ASAP1: variants seen among roughly 807,000 people sequenced by gnomAD.
The protein encoded by ASAP1 is ArfGAP with SH3 domain, ankyrin repeat and PH domain 1.
ASAP1 carries 43 observed loss-of-function variants against 145.2 expected under a neutral mutation model. The ratio of observed to expected loss-of-function variants is 0.30; its 90% CI spans 0.23 to 0.38. ASAP1 has a LOEUF of 0.38. Among genes scored for constraint, ASAP1 ranks in the 10% least tolerant of loss-of-function variants. The pLI, the probability that ASAP1 is intolerant of heterozygous loss-of-function variation, is 1.00. For synonymous variants in ASAP1, 546 were observed against 515.5 expected (o/e 1.06, Z -0.80); for missense variants, 1,018 against 1,355.3 (o/e 0.75, Z 3.91).
intron 3 of ASAP1, among the ~76,000 whole-genome samples, chr8:130,320,855 T>C (rs898750447): frequency 6.6e-6 from 1 of 152,180 alleles, no homozygotes; most frequent in African/African-American, 2.4e-5. Context: ...ATCAACACCA[T>C]TGCCCTAGTT....
intron 3 of ASAP1, among the ~76,000 whole-genome samples, chr8:130,245,570 A>G (rs373059051): frequency 2.0e-5 from 3 of 152,196 alleles, no homozygotes; most frequent in South Asian, 4.1e-4. Flanking sequence ...CCACCAAGCT[A>G]TCAACTTCCC....
At chr8:130,177,878 C>A (rs756754590) in intron 9 of ASAP1, among the ~76,000 whole-genome samples, 7 of 152,184 alleles carry the variant, frequency 4.6e-5, no homozygotes, top group Admixed American at 6.5e-5. Flanking sequence ...CACATGCATT[C>A]TTTTTCACTT....
chr8:130,400,910 C>T (rs1453569806), intron 2 of ASAP1, among the ~76,000 whole-genome samples: 2 of 152,120 alleles, frequency 1.3e-5, no homozygotes, highest in East Asian at 3.9e-4. Flanking sequence ...GACGAAGTCT[C>T]ATTCTTGACC....
At chr8:130,400,112 G>A (rs1371687634) in intron 2 of ASAP1, among the ~76,000 whole-genome samples, 3 of 152,078 alleles carry the variant, frequency 2.0e-5, no homozygotes, top group Admixed American at 6.5e-5. Flanking sequence ...GAGCCATCGC[G>A]CCTGGCCGAA....
At chr8:130,101,752 T>TTTTTTTTTA (rs2097529269) in intron 24 of ASAP1, among the ~76,000 whole-genome samples, 2 of 139,080 alleles carry the variant, frequency 1.4e-5, no homozygotes, top group African/African-American at 5.7e-5. Flanking sequence ...TTTTTTTTTT[T>TTTTTTTTTA]GCAGAGATAG....
intron 1 of ASAP1, among the ~76,000 whole-genome samples, chr8:130,405,625 C>T (rs948045943): frequency 6.6e-6 from 1 of 152,216 alleles, no homozygotes; most frequent in Non-Finnish European, 1.5e-5. Flanking sequence ...TAATCCCAGC[C>T]TGGCCTACGT....
At chr8:130,265,623 C>T (rs1820195561) in intron 3 of ASAP1, among the ~76,000 whole-genome samples, 1 of 151,552 alleles carries the variant, frequency 6.6e-6, no homozygotes, top group Non-Finnish European at 1.5e-5. Context: ...ACTTGTAATC[C>T]CAGCACTTTG....
At chr8:130,208,584 G>A (rs1011863156) in intron 5 of ASAP1, 11 of 152,086 alleles carry the variant, frequency 7.2e-5, no homozygotes, top group African/African-American at 2.7e-4. Flanking sequence ...AAGCTTACAG[G>A]GGTATAAAGA....
At chr8:130,074,510 G>A (rs1456699067) in intron 27 of ASAP1, among the ~76,000 whole-genome samples, 1 of 150,522 alleles carries the variant, frequency 6.6e-6, no homozygotes, top group Non-Finnish European at 1.5e-5. Flanking sequence ...GTAGAGCAAC[G>A]GGGTGGTGGT....
At chr8:130,106,180 T>C (rs1348914433) in intron 24 of ASAP1, among the ~76,000 whole-genome samples, 2 of 151,706 alleles carry the variant, frequency 1.3e-5, no homozygotes, top group Non-Finnish European at 2.9e-5. Context: ...AAAACCCAAA[T>C]GCAAACCAAA....
At chr8:130,068,408 C>A (rs2097434755) in intron 27 of ASAP1, among the ~76,000 whole-genome samples, 1 of 152,032 alleles carries the variant, frequency 6.6e-6, no homozygotes. Flanking sequence ...GAAGGAGGGG[C>A]AAAACTAAGT....
At chr8:130,072,793 ATG>A (rs1206526066) in intron 27 of ASAP1, among the ~76,000 whole-genome samples, 59 of 102,620 alleles carry the variant, frequency 5.7e-4, no homozygotes, top group South Asian at 1.6e-3. Flanking sequence ...TGCAATTGAT[ATG>A]TGTGTGTGTG....
chr8:130,273,342 A>C (rs1287441530), intron 3 of ASAP1, among the ~76,000 whole-genome samples: 1 of 152,132 alleles, frequency 6.6e-6, no homozygotes, highest in Non-Finnish European at 1.5e-5. Context: ...GAAAACCTTG[A>C]AGTTCAGCGG....
chr8:130,156,978 A>C (rs2097659343), intron 12 of ASAP1, among the ~76,000 whole-genome samples: 1 of 152,236 alleles, frequency 6.6e-6, no homozygotes, highest in South Asian at 2.1e-4. Flanking sequence ...TAGTGTTAAA[A>C]AATGACTTTT....
At chr8:130,313,616 T>A (rs1179136063) in intron 3 of ASAP1, among the ~76,000 whole-genome samples, 1 of 152,156 alleles carries the variant, frequency 6.6e-6, no homozygotes, top group Non-Finnish European at 1.5e-5. Flanking sequence ...GTGGAACACA[T>A]AATCAACGTC....
chr8:130,290,684 C>G (rs575658042), intron 3 of ASAP1, among the ~76,000 whole-genome samples: 1 of 152,340 alleles, frequency 6.6e-6, no homozygotes, highest in South Asian at 2.1e-4. Context: ...CCACCTCTAC[C>G]AATTGCAAAT....
At chr8:130,414,199 G>A (rs761234482) in intron 1 of ASAP1, among the ~76,000 whole-genome samples, 3 of 152,210 alleles carry the variant, frequency 2.0e-5, no homozygotes, top group Non-Finnish European at 4.4e-5. Context: ...CACAGTCTTA[G>A]AAAGACCTTT....
chr8:130,433,323 C>T lies in ASAP1; in HGVS notation c.-28+10137G>A, dbSNP rs771122614. 2.0e-5 allele frequency among the ~76,000 whole-genome samples: 3 copies of T among 152,206 alleles called. No homozygotes were observed. In the South Asian group the frequency reaches 6.2e-4, roughly 31 times the overall value. ...CAGCACATTCCTACCACAAAGCCTT[C>T]GATCCAGCTATTCTCAGCCTTGAAT... On this transcript the variant is annotated intron_variant, in intron 1 of 29. Transcript: ENST00000518721.
At chr8:130,359,774 C>G (rs1254561904) in intron 2 of ASAP1, among the ~76,000 whole-genome samples, 2 of 152,194 alleles carry the variant, frequency 1.3e-5, no homozygotes, top group Non-Finnish European at 2.9e-5. Context: ...CAGGCGCCCG[C>G]CACCGCGCCC....
Sources: allele counts gnomAD v4.1 joint callset (sites outside exome capture counted in the v4.1 genomes callset), GRCh38; gene constraint gnomAD v4.1.1; transcripts MANE v1.5; gene names NCBI Gene and HGNC (gene_info 2026-07-23, HGNC 2026-07-21).